Variants in USP38 observed in about 807,000 individuals in gnomAD.
The protein encoded by USP38 is ubiquitin carboxyl-terminal hydrolase 38.
In USP38, 49 loss-of-function variants were observed where a neutral mutation model predicts 94.3. The ratio of observed to expected loss-of-function variants is 0.52; its 90% CI spans 0.41 to 0.66. The LOEUF (loss-of-function observed/expected upper bound fraction) is 0.66. Among genes scored for constraint, USP38 ranks in the 30% least tolerant of loss-of-function variants. The pLI is 0.00. For missense variants in USP38, 1,128 were observed against 1,229.4 expected (o/e 0.92, Z 1.23); for synonymous variants, 468 against 463.6 (o/e 1.01, Z -0.12).
At chr4:143,192,550 CTT>C (rs35416730) in intron 2 of USP38, among the ~76,000 whole-genome samples, 2,688 of 103,330 alleles carry the variant, frequency 0.026, 73 homozygotes, top group African/African-American at 0.095. Flanking sequence ...TCCCATATTA[CTT>C]TTTTTTTTTT....
rs1190260961 is a variant in USP38, at chr4:143,198,012, A to G, written c.1050+88A>G. 6 of 881,376 alleles carry G rather than the reference A, an allele frequency of 6.8e-6. No individual in the cohort carries two copies. In the East Asian group the frequency reaches 8.0e-5, roughly 12 times the overall value. The allele number at this position is 881,376 out of a possible 1,614,324, so 54.6% of individuals were successfully genotyped here. On this transcript the variant is annotated intron_variant, in intron 4 of 9. Coordinates refer to ENST00000307017, the MANE Select transcript of USP38 (RefSeq NM_032557.6). ...TGAGTCACATTTTTATGTAGTGAAA[A>G]TATTGCAAGTTAGTCCCAAATCTGT...
At chr4:143,189,763 G>T (rs1425854851) in intron 2 of USP38, among the ~76,000 whole-genome samples, 2 of 151,832 alleles carry the variant, frequency 1.3e-5, no homozygotes, top group Non-Finnish European at 2.9e-5. Context: ...TTTTCCTGTT[G>T]TGTGACCTCT....
At chr4:143,201,732 T>C (rs954394004) in intron 4 of USP38, among the ~76,000 whole-genome samples, 1 of 152,054 alleles carries the variant, frequency 6.6e-6, no homozygotes, top group African/African-American at 2.4e-5. Flanking sequence ...ATAGGAATAA[T>C]GGAGAAAGAA....
chr4:143,203,634 C>G, intron 5 of USP38, 68 bp downstream of exon 5: 1 of 1,460,742 alleles, frequency 6.8e-7, no homozygotes, highest in Non-Finnish European at 9.3e-7. Context: ...ATTCTTATAA[C>G]CAGCTACTCA....
In USP38 at chr4:143,220,459, C is replaced by A; in HGVS notation, c.*3C>A. On this transcript the variant is annotated 3_prime_UTR_variant, in exon 10 of 10. Transcript: ENST00000307017. Reference sequence around the variant, plus strand: ...CAGTTGGCAGACTCGTATTTTGATCCTGAGAGAGTCCAAAATGCACTGGTC... The same window carrying A: ...CAGTTGGCAGACTCGTATTTTGATCATGAGAGAGTCCAAAATGCACTGGTC... 1 of 1,607,932 alleles carries A rather than the reference C, an allele frequency of 6.2e-7. No homozygotes were observed. The highest frequency in any genetic ancestry group is 1.1e-5 in the South Asian group (1 of 90,354).
In USP38 at chr4:143,213,717, G is replaced by T; in HGVS notation, c.1741G>T (p.Gly581Cys). Residue 581 changes from glycine to cysteine, a missense_variant, in exon 9 of 10, where the codon GGT becomes TGT. Physicochemically the swap from Gly to Cys is radical, Grantham distance 159. Transcript: ENST00000307017. Reference sequence around the variant, plus strand: ...AACAGAGACCCCTCGTACAAGTGACGGTGAGAAGACTTTAATAGAAAAAAT... The same window carrying T: ...AACAGAGACCCCTCGTACAAGTGACTGTGAGAAGACTTTAATAGAAAAAAT... ...VLTETPRTSDGEKTLIEKMFG... is the reference protein window; with the variant it reads ...VLTETPRTSDCEKTLIEKMFG... 6.2e-7 allele frequency: 1 copy of T among 1,613,714 alleles called. No homozygotes were observed. The highest frequency in any genetic ancestry group is 1.1e-5 in the South Asian group (1 of 91,068).
intron 7 of USP38, among the ~76,000 whole-genome samples, chr4:143,211,963 T>C (rs758386351): frequency 6.6e-6 from 1 of 152,104 alleles, no homozygotes; most frequent in Non-Finnish European, 1.5e-5. Flanking sequence ...TTCAAAAAAT[T>C]GTGGACTCAA....
At position 143,201,406 on chromosome 4, in the gene USP38, G is replaced by A. The variant is rs763827005; in HGVS notation, c.1051-2002G>A. Among the ~76,000 whole-genome samples, 5 of 152,094 alleles carry A rather than the reference G, an allele frequency of 3.3e-5. No individual in the cohort carries two copies. The South Asian group carries it at 1.0e-3, about 31-fold the overall frequency. On this transcript the variant is annotated intron_variant, in intron 4 of 9. Transcript: ENST00000307017. The stretch of plus-strand genomic sequence containing the variant: ...AAGATGTTTTCCAAATTTCTAGGAA[G>A]GAGATTCTCTGACATAACTTTATCA...
At position 143,203,577 on chromosome 4, in the gene USP38, A is replaced by G. The variant is rs1320173520; in HGVS notation, c.1209+11A>G. The stretch of plus-strand genomic sequence containing the variant: ...CTGGAGGCAATAAAGGTATGATGAT[A>G]GTTGTACCAATATTTGTGGAGTTGT... On this transcript the variant is annotated intron_variant, in intron 5 of 9. Transcript: ENST00000307017. 1.1e-5 allele frequency: 17 copies of G among 1,601,328 alleles called. No homozygotes were observed. Among genetic ancestry groups the G allele is most frequent in the Non-Finnish European group, 1.4e-5 (16 of 1,176,154 alleles).
At chr4:143,193,508 A>G (rs909112659) in intron 2 of USP38, among the ~76,000 whole-genome samples, 2 of 152,194 alleles carry the variant, frequency 1.3e-5, no homozygotes, top group Non-Finnish European at 2.9e-5. Context: ...CACCCCAACA[A>G]TAGTTGGAAG....
Position 143,184,998 on chromosome 4 carries a change from G to C in USP38, c.-453G>C, listed in dbSNP as rs1414616585. 6.3e-6 allele frequency: 1 copy of C among 158,538 alleles called. No homozygotes were observed. Among genetic ancestry groups the C allele is most frequent in the African/African-American group, 2.4e-5 (1 of 41,600 alleles). The allele number at this position is 158,538 out of a possible 1,614,324, so 9.8% of individuals were successfully genotyped here. A position where few individuals can be genotyped will look rare whatever the true frequency, so the allele number is the denominator to read the frequency against. ...AGCACTCTCCGTGACAGCGCCTCCTGACTCAGCCCAGGACCGGCTTCTTCT... is the reference window on the plus strand; with the variant it reads ...AGCACTCTCCGTGACAGCGCCTCCTCACTCAGCCCAGGACCGGCTTCTTCT... On this transcript the variant is annotated 5_prime_UTR_variant, in exon 1 of 10. Transcript: ENST00000307017.
chr4:143,204,525 G>T, intron 5 of USP38: 1 of 401,524 alleles, frequency 2.5e-6, no homozygotes. Flanking sequence ...AAGTAGCTGG[G>T]ACTCCAGGTG....
intron 6 of USP38, among the ~76,000 whole-genome samples, chr4:143,207,179 G>T (rs1159067757): frequency 1.3e-5 from 2 of 152,210 alleles, no homozygotes; most frequent in Admixed American, 6.5e-5. Context: ...TGCCCAAAGA[G>T]GTTTACAAAT....
rs1256143813 is a variant in USP38 at position 143,213,943 on chromosome 4, A to T, written c.1967A>T (p.Glu656Val). 6 of 1,613,722 alleles carry T rather than the reference A, an allele frequency of 3.7e-6. No individual in the cohort carries two copies. Among genetic ancestry groups the T allele is most frequent in the Middle Eastern group, 1.7e-4 (1 of 6,058 alleles). ...MQASVPGPSE[E>V]PVVYNPTTAA... ...GCCTCTGTACCCGGTCCTTCAGAAG[A>T]ACCAGTAGTTTATAATCCAACAACA... Residue 656 changes from glutamate (E) to valine (V), a missense_variant, in exon 9 of 10, where the codon GAA (glutamate) becomes GTA (valine). Coordinates refer to ENST00000307017, the MANE Select transcript of USP38 (RefSeq NM_032557.6).
intron 9 of USP38, among the ~76,000 whole-genome samples, chr4:143,215,933 A>G (rs1732172762): frequency 6.6e-6 from 1 of 152,190 alleles, no homozygotes; most frequent in Non-Finnish European, 1.5e-5. Context: ...CTGATTAACT[A>G]CTGAAGACTC....
chr4:143,203,754 C>A (rs551585672), intron 5 of USP38, among the ~76,000 whole-genome samples, 188 bp downstream of exon 5: 16 of 152,186 alleles, frequency 1.1e-4, no homozygotes, highest in African/African-American at 3.9e-4. Context: ...AAATTAATAA[C>A]CATATTTCTT....
intron 2 of USP38, among the ~76,000 whole-genome samples, chr4:143,189,099 AT>A (rs149208222): frequency 0.029 from 4,392 of 152,114 alleles, 97 homozygotes; most frequent in Non-Finnish European, 0.041. Context: ...GTGGTTTGCA[AT>A]TTTAAATAAG....
At chr4:143,219,320 G>T (rs1010097623) in intron 9 of USP38, among the ~76,000 whole-genome samples, 3 of 152,032 alleles carry the variant, frequency 2.0e-5, no homozygotes, top group Non-Finnish European at 2.9e-5. Flanking sequence ...GTATGCCTGG[G>T]TCTTTTCTTC....
At chr4:143,208,970 C>T (rs1198603212) in intron 6 of USP38, among the ~76,000 whole-genome samples, 5 of 149,640 alleles carry the variant, frequency 3.3e-5, no homozygotes, top group African/African-American at 9.8e-5. Flanking sequence ...CCCAGCTGTC[C>T]CTTTACTTTT....
Sources: gnomAD v4.1 joint callset for allele counts (sites outside exome capture counted in the v4.1 genomes callset) on GRCh38, gnomAD v4.1.1 for gene constraint, MANE v1.5 for transcripts, NCBI Gene and HGNC (gene_info 2026-07-23, HGNC 2026-07-21) for gene names.